Variants in FAM193A observed in about 807,000 individuals in gnomAD.
FAM193A encodes protein FAM193A.
FAM193A carries 22 observed loss-of-function variants against 126.5 expected under a neutral mutation model. That is an observed-to-expected ratio of 0.17 (90% CI 0.12 to 0.25). The LOEUF is 0.25. Among genes scored for constraint, FAM193A ranks in the 10% least tolerant of loss-of-function variants. The pLI is 1.00. For synonymous variants in FAM193A, 761 were observed against 646.8 expected (o/e 1.18, Z -2.68); for missense variants, 1,675 against 1,672.8 (o/e 1.00, Z -0.02).
At chr4:2,589,335 T>A (rs1740397254) in intron 1 of FAM193A, among the ~76,000 whole-genome samples, 1 of 152,224 alleles carries the variant, frequency 6.6e-6, no homozygotes, top group African/African-American at 2.4e-5. Flanking sequence ...GGAGCAATCA[T>A]TAAAAACAGT....
intron 20 of FAM193A, among the ~76,000 whole-genome samples, chr4:2,728,895 A>ATTTTTTTTTTTTTTTTTTTTTTTTTTTT (rs1491485597): frequency 4.7e-5 from 5 of 105,710 alleles, no homozygotes; most frequent in Non-Finnish European, 3.6e-5. Flanking sequence ...CACCTCCAAA[A>ATTTTTTTTTTTTTTTTTTTTTTTTTTTT]CTTTTTTTTT....
chr4:2,665,515 T>C (rs1035535190), intron 12 of FAM193A, among the ~76,000 whole-genome samples: 17 of 152,190 alleles, frequency 1.1e-4, no homozygotes, highest in Admixed American at 7.9e-4. Flanking sequence ...TTCCTTCCTT[T>C]CTTCTTTTTA....
chr4:2,617,791 C>G (rs764134389), intron 2 of FAM193A, among the ~76,000 whole-genome samples: 1 of 152,142 alleles, frequency 6.6e-6, no homozygotes, highest in Non-Finnish European at 1.5e-5. Flanking sequence ...GTATTATACA[C>G]CTCAGCATAC....
intron 1 of FAM193A, among the ~76,000 whole-genome samples, chr4:2,558,200 A>T (rs1738380022): frequency 6.6e-6 from 1 of 150,846 alleles, no homozygotes; most frequent in African/African-American, 2.4e-5. Flanking sequence ...TGAACCGGGG[A>T]GGAGGTTGCA....
chr4:2,710,082 C>G (rs1477309199), intron 19 of FAM193A, among the ~76,000 whole-genome samples: 1 of 148,680 alleles, frequency 6.7e-6, no homozygotes, highest in Non-Finnish European at 1.5e-5. Flanking sequence ...CCCTATTTTG[C>G]TTAAGTTAAT....
At chr4:2,650,535 G>A (rs565027122) in intron 7 of FAM193A, among the ~76,000 whole-genome samples, 3 of 152,200 alleles carry the variant, frequency 2.0e-5, no homozygotes, top group African/African-American at 2.4e-5. Flanking sequence ...CTGGCTGGGG[G>A]CAGAGATGGG....
intron 4 of FAM193A, among the ~76,000 whole-genome samples, chr4:2,626,981 G>T (rs1337087136): frequency 6.6e-6 from 1 of 152,056 alleles, no homozygotes; most frequent in Admixed American, 6.6e-5. Context: ...GGCTCTGTGA[G>T]GTTGGGTAGC....
At chr4:2,710,851 C>CTTTTTT (rs35045989) in intron 19 of FAM193A, among the ~76,000 whole-genome samples, 1 of 116,298 alleles carries the variant, frequency 8.6e-6, no homozygotes, top group Non-Finnish European at 1.7e-5. Context: ...TCTGTGCTTT[C>CTTTTTT]TTTTTTTTTT....
intron 4 of FAM193A, among the ~76,000 whole-genome samples, chr4:2,627,530 A>T (rs1157894148): frequency 1.4e-5 from 2 of 138,242 alleles, no homozygotes; most frequent in African/African-American, 5.5e-5. Flanking sequence ...GTTGATTCTC[A>T]TTTGGGTTTC....
rs538956866 is a variant in FAM193A, at chr4:2,578,445, G to C, written c.256-17639G>C. 3.3e-3 allele frequency among the ~76,000 whole-genome samples: 497 copies of C among 151,746 alleles called. 4 individuals are homozygous for C. Among genetic ancestry groups the C allele is most frequent in the African/African-American group, 0.011 (449 of 41,352 alleles). ...CATTTGATTCTGTGGCAACCTTCTT[G>C]GTAGGTTTTTTTTTTCCCCCCTCAA... On this transcript the variant is annotated intron_variant, in intron 1 of 20. Transcript: ENST00000637812.
At chr4:2,608,112 A>C (rs929905431) in intron 2 of FAM193A, 1 of 1,608,352 alleles carries the variant, frequency 6.2e-7, no homozygotes, top group Non-Finnish European at 8.5e-7. Flanking sequence ...TCCACGATCT[A>C]CTATATCTCC....
chr4:2,731,707 C>T (rs781434348), intron 20 of FAM193A, 68 bp from the exon 21 acceptor site: 19 of 1,239,522 alleles, frequency 1.5e-5, no homozygotes, highest in Non-Finnish European at 2.0e-5. Flanking sequence ...GTGTGATGGG[C>T]TTTGCCAAGC....
chr4:2,652,104 C>G (rs1429952253), intron 7 of FAM193A, among the ~76,000 whole-genome samples: 1 of 152,148 alleles, frequency 6.6e-6, no homozygotes, highest in Non-Finnish European at 1.5e-5. Flanking sequence ...GCCTCTGTGC[C>G]TGGTATTCAT....
At chr4:2,590,507 A>C (rs1256580900) in intron 1 of FAM193A, among the ~76,000 whole-genome samples, 3 of 57,880 alleles carry the variant, frequency 5.2e-5, no homozygotes, top group African/African-American at 4.0e-4. Flanking sequence ...AAAAAAAAAC[A>C]AAAAAAAAAC....
chr4:2,585,043 C>A (rs982484041), intron 1 of FAM193A, among the ~76,000 whole-genome samples: 1 of 152,094 alleles, frequency 6.6e-6, no homozygotes, highest in African/African-American at 2.4e-5. Context: ...CTTGTCTCAC[C>A]CAACAATATT....
intron 13 of FAM193A, among the ~76,000 whole-genome samples, chr4:2,684,418 G>A (rs1715493670): frequency 6.7e-6 from 1 of 149,838 alleles, no homozygotes; most frequent in Non-Finnish European, 1.5e-5. Context: ...ATATTCTCTT[G>A]TTCCTTGTTT....
chr4:2,626,419 G>C lies in FAM193A; in HGVS notation c.645G>C (p.Ser215=). The part of the protein sequence containing the change: ...CEACSERREI[S]AEADREPQQL... ...CTGTGTTGTCTCACAGAGAAATTTC[G>C]GCAGAGGCGGACCGGGAACCTCAGC... The change falls in exon 4 of 21, where the codon TCG becomes TCC. Residue 215 remains serine, a synonymous_variant. Coordinates refer to ENST00000637812, the MANE Select transcript of FAM193A (RefSeq NM_001366318.2). 1 of 699,028 alleles carries C rather than the reference G, an allele frequency of 1.4e-6. No individual in the cohort carries two copies. Among genetic ancestry groups the C allele is most frequent in the Non-Finnish European group, 2.6e-6 (1 of 381,770 alleles). 43.3% of individuals were successfully genotyped at this position (699,028 alleles called of 1,614,324 possible).
chr4:2,567,983 G>A (rs896835625), intron 1 of FAM193A, among the ~76,000 whole-genome samples: 6 of 152,062 alleles, frequency 3.9e-5, no homozygotes, highest in African/African-American at 1.2e-4. Context: ...TTCTGCCTTC[G>A]CCCTTCAGAA....
chr4:2,621,350 C>G (rs1436976327), intron 2 of FAM193A, among the ~76,000 whole-genome samples: 3 of 152,136 alleles, frequency 2.0e-5, no homozygotes, highest in Non-Finnish European at 4.4e-5. Context: ...ACCAGCCTCC[C>G]TCAGTAGGTG....
Sources: allele counts gnomAD v4.1 joint callset (sites outside exome capture counted in the v4.1 genomes callset), GRCh38; gene constraint gnomAD v4.1.1; transcripts MANE v1.5; gene names NCBI Gene and HGNC (gene_info 2026-07-23, HGNC 2026-07-21).